The following UNCX variants were observed in gnomAD, a reference collection of about 807,000 sequenced individuals.
The protein encoded by UNCX is homeobox protein unc-4 homolog.
UNCX carries 4 observed loss-of-function variants against 14.8 expected under a neutral mutation model. The ratio of observed to expected loss-of-function variants is 0.27; its 90% CI spans 0.13 to 0.62. The LOEUF is 0.62. Among genes scored for constraint, UNCX ranks in the 20% least tolerant of loss-of-function variants. The probability of loss-of-function intolerance (pLI) is 0.86; values close to 1 mark genes in which losing one functional copy is unlikely to be tolerated. For missense variants in UNCX, 749 were observed against 786.8 expected (o/e 0.95, Z 0.58); for synonymous variants, 459 against 395.8 (o/e 1.16, Z -1.90).
In UNCX at chr7:1,233,421, C is replaced by CCCA. The variant is rs1778682803; in HGVS notation, c.275-97_275-96insACC. ...CCTAGGCGGCCGTCTCTGCGCCCCC[C>CCCA]CCCCCGGATCCAGGCGGCCAGCGGG... is the stretch of plus-strand genomic sequence containing the variant. On this transcript the variant is annotated intron_variant, in intron 1 of 2. Coordinates refer to ENST00000316333, the MANE Select transcript of UNCX (RefSeq NM_001080461.3). This position sits in a 1 kb window ranked among gnomAD's most constrained non-coding sequence, Gnocchi z 5.3. 4.4e-6 allele frequency: 6 copies of CCCA among 1,376,074 alleles called. No homozygotes were observed. Among genetic ancestry groups the CCCA allele is most frequent in the Admixed American group, 3.3e-5 (1 of 30,514 alleles). The allele number at this position is 1,376,074 out of a possible 1,614,324, so 85.2% of individuals were successfully genotyped here.
In UNCX at chr7:1,236,125, G is replaced by A; in HGVS notation, c.744G>A (p.Glu248=). 2.3e-6 allele frequency: 3 copies of A among 1,289,144 alleles called. No homozygotes were observed. Among genetic ancestry groups the A allele is most frequent in the South Asian group, 2.4e-5 (1 of 40,924 alleles). The allele number at this position is 1,289,144 out of a possible 1,614,324, so 79.9% of individuals were successfully genotyped here. A position where few individuals can be genotyped will look rare whatever the true frequency, so the allele number is the denominator to read the frequency against. Residue 248 remains glutamate (E), a synonymous_variant, in exon 3 of 3, where the codon GAG becomes GAA. Coordinates refer to ENST00000316333, the MANE Select transcript of UNCX (RefSeq NM_001080461.3). The surrounding 1 kb of genome is among the most constrained non-coding windows in gnomAD (Gnocchi z 6.9). ...GCGGCCTGTCTCCGGAGCCGCCCGA[G>A]CCGCCGCCGCCCGCCGCCAAGGGCC... ...GGGGLSPEPP[E]PPPPAAKGPG... is the part of the protein sequence containing the mutation.
intron 2 of UNCX, among the ~76,000 whole-genome samples, chr7:1,234,662 G>A (rs911625294): frequency 1.4e-5 from 2 of 143,046 alleles, no homozygotes; most frequent in Non-Finnish European, 3.0e-5. Context: ...TTTGTTCTAA[G>A]TGTCTTAAGT....
Position 1,234,462 on chromosome 7 carries a change from T to C in UNCX, c.450+767T>C, listed in dbSNP as rs909424422. On this transcript the variant is annotated intron_variant, in intron 2 of 2. Coordinates refer to ENST00000316333, the MANE Select transcript of UNCX (RefSeq NM_001080461.3). ...ATGTTTCCCTGGAGCAAAGAAATCCTCTTTTTCTGCGGTGGGTGCGGTGTG... is the reference window on the plus strand; with the variant it reads ...ATGTTTCCCTGGAGCAAAGAAATCCCCTTTTTCTGCGGTGGGTGCGGTGTG... Among the ~76,000 whole-genome samples, 5 of 152,010 alleles carry C rather than the reference T, an allele frequency of 3.3e-5. No homozygotes were observed. The East Asian group carries it at 9.7e-4, about 29-fold the overall frequency.
In UNCX at chr7:1,233,337, G is replaced by A. The variant is rs1326208486; in HGVS notation, c.274+46G>A. The A allele has an allele frequency of 2.3e-6, 3 of 1,321,494 alleles. No homozygotes were observed. Among genetic ancestry groups the A allele is most frequent in the South Asian group, 2.1e-5 (1 of 47,820 alleles). The allele number at this position is 1,321,494 out of a possible 1,614,324, so 81.9% of individuals were successfully genotyped here. A position where few individuals can be genotyped will look rare whatever the true frequency, so the allele number is the denominator to read the frequency against. On this transcript the variant is annotated intron_variant, in intron 1 of 2. Transcript: ENST00000316333. The surrounding 1 kb of genome is among the most constrained non-coding windows in gnomAD (Gnocchi z 5.3). ...GGCGGGGAGGAGTGCGGCTGGGGGC[G>A]GGGGCCCTGGTCCGGCCGAGGCGCT... is the stretch of plus-strand genomic sequence containing the variant.
At position 1,236,358 on chromosome 7, in the gene UNCX, T is replaced by C; in HGVS notation, c.977T>C (p.Leu326Pro). 1.5e-6 allele frequency: 2 copies of C among 1,321,982 alleles called. No individual in the cohort carries two copies. The highest frequency in any genetic ancestry group is 3.6e-5 in the Admixed American group (1 of 28,032). The allele number at this position is 1,321,982 out of a possible 1,614,324, so 81.9% of individuals were successfully genotyped here. The change falls in exon 3 of 3, where the codon CTG becomes CCG. Residue 326 changes from leucine to proline, a missense_variant. Leu to Pro is a moderately conservative substitution (Grantham distance 98). Coordinates refer to ENST00000316333, the MANE Select transcript of UNCX (RefSeq NM_001080461.3). This position sits in a 1 kb window ranked among gnomAD's most constrained non-coding sequence, Gnocchi z 6.9. ...GCGGTGGAGCGCGGCGCCGCGGGGC[T>C]GCCCAAGGCCAGCCCATTCAGCGTG... ...VAAVERGAAGLPKASPFSVES... is the reference protein window; with the variant it reads ...VAAVERGAAGPPKASPFSVES...
Position 1,236,384 on chromosome 7 carries a change from G to C in UNCX, c.1003G>C (p.Glu335Gln). The change falls in exon 3 of 3, where the codon GAG (glutamate) becomes CAG (glutamine). Residue 335 changes from glutamate (E) to glutamine (Q), a missense_variant. Around this residue, in one of 3 missense-constraint regions of UNCX, gnomAD observed 552 missense variants for 507.2 expected, o/e 1.09. Coordinates refer to ENST00000316333, the MANE Select transcript of UNCX (RefSeq NM_001080461.3). The surrounding 1 kb of genome is among the most constrained non-coding windows in gnomAD (Gnocchi z 6.9). ...GCCCAAGGCCAGCCCATTCAGCGTG[G>C]AGAGCCTCCTGTCCGACTCGCCGCC... ...GLPKASPFSV[E>Q]SLLSDSPPRR... 7.3e-7 allele frequency: 1 copy of C among 1,370,432 alleles called. No individual in the cohort carries two copies. The highest frequency in any genetic ancestry group is 1.6e-5 in the African/African-American group (1 of 64,514). The allele number at this position is 1,370,432 out of a possible 1,614,324, so 84.9% of individuals were successfully genotyped here.
rs1200327566 is a variant in UNCX at position 1,233,413 on chromosome 7, G to GC, written c.275-106dup. On this transcript the variant is annotated intron_variant, in intron 1 of 2. Transcript: ENST00000316333. The surrounding 1 kb of genome is among the most constrained non-coding windows in gnomAD (Gnocchi z 5.3). ...AGCCGGCTCCTAGGCGGCCGTCTCTGCGCCCCCCCCCCCGGATCCAGGCGG... is the reference window on the plus strand; with the variant it reads ...AGCCGGCTCCTAGGCGGCCGTCTCTGCCGCCCCCCCCCCCGGATCCAGGCGG... 11,066 of 1,082,386 alleles carry GC rather than the reference G, an allele frequency of 0.01. 40 individuals are homozygous for GC. Among genetic ancestry groups the GC allele is most frequent in the Non-Finnish European group, 0.012 (10,354 of 856,484 alleles). The allele number at this position is 1,082,386 out of a possible 1,614,324, so 67.0% of individuals were successfully genotyped here.
In UNCX at chr7:1,233,083, G is replaced by A. The variant is rs771086681; in HGVS notation, c.66G>A (p.Val22=). The A allele has an allele frequency of 6.2e-6, 9 of 1,443,566 alleles. No individual in the cohort carries two copies. The highest frequency in any genetic ancestry group is 9.1e-7 in the Non-Finnish European group (1 of 1,098,746). 89.4% of individuals were successfully genotyped at this position (1,443,566 alleles called of 1,614,324 possible). The change falls in exon 1 of 3, where the codon GTG becomes GTA. Residue 22 remains valine, a synonymous_variant. Coordinates refer to ENST00000316333, the MANE Select transcript of UNCX (RefSeq NM_001080461.3). This position sits in a 1 kb window ranked among gnomAD's most constrained non-coding sequence, Gnocchi z 5.3. ...TCGGGGGCTCGCTGGGCGGCGTGGT[G>A]GGCTTCCCCTACCCGCTGGGCCACC... ...AQFGGSLGGV[V]GFPYPLGHHH...
Position 1,233,415 on chromosome 7 carries a change from G to GCC in UNCX, c.275-95_275-94dup, listed in dbSNP as rs373820130. Reference sequence around the variant, plus strand: ...CCGGCTCCTAGGCGGCCGTCTCTGCGCCCCCCCCCCCGGATCCAGGCGGCC... The same window carrying GCC: ...CCGGCTCCTAGGCGGCCGTCTCTGCGCCCCCCCCCCCCCGGATCCAGGCGGCC... On this transcript the variant is annotated intron_variant, in intron 1 of 2. Transcript: ENST00000316333. This position sits in a 1 kb window ranked among gnomAD's most constrained non-coding sequence, Gnocchi z 5.3. The GCC allele has an allele frequency of 0.14, 159,184 of 1,121,600 alleles. 2,584 individuals carry two copies. Among genetic ancestry groups the GCC allele is most frequent in the Middle Eastern group, 0.17 (519 of 3,054 alleles). The allele number at this position is 1,121,600 out of a possible 1,614,324, so 69.5% of individuals were successfully genotyped here.
In UNCX at chr7:1,233,046, C is replaced by A. The variant is rs1379722901; in HGVS notation, c.29C>A (p.Pro10Gln). MMDGRLLEH[P>Q]HAQFGGSLGG... ...ATGGACGGCCGCCTCCTGGAACACC[C>A]GCATGCCCAGTTCGGGGGCTCGCTG... The change falls in exon 1 of 3, where the codon CCG becomes CAG. Residue 10 changes from proline to glutamine, a missense_variant. Physicochemically the swap from Pro to Gln is moderately conservative, Grantham distance 76. Transcript: ENST00000316333. This position sits in a 1 kb window ranked among gnomAD's most constrained non-coding sequence, Gnocchi z 5.3. 2.9e-6 allele frequency: 4 copies of A among 1,394,466 alleles called. No homozygotes were observed. The highest frequency in any genetic ancestry group is 2.8e-5 in the Admixed American group (1 of 35,708). 86.4% of individuals were successfully genotyped at this position (1,394,466 alleles called of 1,614,324 possible). A position where few individuals can be genotyped will look rare whatever the true frequency, so the allele number is the denominator to read the frequency against.
intron 2 of UNCX, among the ~76,000 whole-genome samples, chr7:1,234,040 C>G (rs1356449465): frequency 6.6e-6 from 1 of 152,010 alleles, no homozygotes; most frequent in Non-Finnish European, 1.5e-5. Flanking sequence ...GAGGAGGGGC[C>G]GGCTTGGCTC....
chr7:1,233,474 C>A lies in UNCX; in HGVS notation c.275-46C>A, dbSNP rs935630654. On this transcript the variant is annotated intron_variant, in intron 1 of 2. Transcript: ENST00000316333. This position sits in a 1 kb window ranked among gnomAD's most constrained non-coding sequence, Gnocchi z 5.3. The stretch of plus-strand genomic sequence containing the variant: ...GCGGGAGGGAGGGGTGGGGGTCGGG[C>A]CTGGGCCGGTGGCTGAGCCGCGCTG... The A allele has an allele frequency of 6.5e-7, 1 of 1,532,770 alleles. No homozygotes were observed. The highest frequency in any genetic ancestry group is 1.4e-5 in the African/African-American group (1 of 70,432). The allele number at this position is 1,532,770 out of a possible 1,614,324, so 94.9% of individuals were successfully genotyped here.
chr7:1,236,978 G>A lies in UNCX; in HGVS notation c.*1G>A. On this transcript the variant is annotated 3_prime_UTR_variant, in exon 3 of 3. Coordinates refer to ENST00000316333, the MANE Select transcript of UNCX (RefSeq NM_001080461.3). The surrounding 1 kb of genome is among the most constrained non-coding windows in gnomAD (Gnocchi z 6.9). ...GGGCGAGGAGCTGGACATGGACTGA[G>A]GCCGCGGCGGCCGGGAGAGGCGCGT... is the stretch of plus-strand genomic sequence containing the variant. 8.4e-7 allele frequency: 1 copy of A among 1,190,032 alleles called. No homozygotes were observed. Among genetic ancestry groups the A allele is most frequent in the Non-Finnish European group, 1.0e-6 (1 of 960,542 alleles). The allele number at this position is 1,190,032 out of a possible 1,614,324, so 73.7% of individuals were successfully genotyped here. A position where few individuals can be genotyped will look rare whatever the true frequency, so the allele number is the denominator to read the frequency against.
In UNCX at chr7:1,236,586, T is replaced by A; in HGVS notation, c.1205T>A (p.Leu402Gln). Residue 402 changes from leucine (L) to glutamine (Q), a missense_variant, in exon 3 of 3, where the codon CTG becomes CAG. This residue lies in a region of UNCX where 552 missense variants were observed against 507.2 expected (regional missense o/e 1.09). Coordinates refer to ENST00000316333, the MANE Select transcript of UNCX (RefSeq NM_001080461.3). This position sits in a 1 kb window ranked among gnomAD's most constrained non-coding sequence, Gnocchi z 6.9. ...PQAALKGGAGLEPAPKDAPPA... is the reference protein window; with the variant it reads ...PQAALKGGAGQEPAPKDAPPA... ...GCCGCGCTCAAGGGCGGCGCGGGCC[T>A]GGAGCCGGCGCCCAAGGACGCGCCG... is the stretch of plus-strand genomic sequence containing the variant. 1 of 1,203,110 alleles carries A rather than the reference T, an allele frequency of 8.3e-7. No homozygotes were observed. The highest frequency in any genetic ancestry group is 1.0e-6 in the Non-Finnish European group (1 of 967,172). The allele number at this position is 1,203,110 out of a possible 1,614,324, so 74.5% of individuals were successfully genotyped here. A position where few individuals can be genotyped will look rare whatever the true frequency, so the allele number is the denominator to read the frequency against.
In UNCX at chr7:1,233,427, G is replaced by A; in HGVS notation, c.275-93G>A. 2 of 831,296 alleles carry A rather than the reference G, an allele frequency of 2.4e-6. No individual in the cohort carries two copies. Among genetic ancestry groups the A allele is most frequent in the Non-Finnish European group, 3.1e-6 (2 of 654,792 alleles). 51.5% of individuals were successfully genotyped at this position (831,296 alleles called of 1,614,324 possible). A position where few individuals can be genotyped will look rare whatever the true frequency, so the allele number is the denominator to read the frequency against. ...CGGCCGTCTCTGCGCCCCCCCCCCC[G>A]GATCCAGGCGGCCAGCGGGTAGCGG... On this transcript the variant is annotated intron_variant, in intron 1 of 2. Transcript: ENST00000316333. This position sits in a 1 kb window ranked among gnomAD's most constrained non-coding sequence, Gnocchi z 5.3.
In UNCX at chr7:1,236,187, C is replaced by T; in HGVS notation, c.806C>T (p.Pro269Leu). The T allele has an allele frequency of 7.8e-7, 1 of 1,284,706 alleles. No individual in the cohort carries two copies. The highest frequency in any genetic ancestry group is 1.0e-6 in the Non-Finnish European group (1 of 1,004,222). The allele number at this position is 1,284,706 out of a possible 1,614,324, so 79.6% of individuals were successfully genotyped here. The change falls in exon 3 of 3, where the codon CCC becomes CTC. Residue 269 changes from proline (P) to leucine (L), a missense_variant. Pro to Leu is a moderately conservative substitution (Grantham distance 98). Coordinates refer to ENST00000316333, the MANE Select transcript of UNCX (RefSeq NM_001080461.3). This position sits in a 1 kb window ranked among gnomAD's most constrained non-coding sequence, Gnocchi z 6.9. ...GCCTCGGGCGCCGCGGGGACCGCGCCCGCCCCTCCCGGCGAGCCGCCTGCA... is the reference window on the plus strand; with the variant it reads ...GCCTCGGGCGCCGCGGGGACCGCGCTCGCCCCTCCCGGCGAGCCGCCTGCA... ...AHASGAAGTA[P>L]APPGEPPAPG...
In UNCX at chr7:1,235,971, TGGA is replaced by T; in HGVS notation, c.592_594del (p.Glu198del). On this transcript the variant is annotated inframe_deletion, in exon 3 of 3. Coordinates refer to ENST00000316333, the MANE Select transcript of UNCX (RefSeq NM_001080461.3). Reference sequence around the variant, plus strand: ...CCGGAGGAGATCGCGCGCAAGGAGCTGGAGAAGATGGAGAAGAAGAAGCGCAAG... The same window carrying T: ...CCGGAGGAGATCGCGCGCAAGGAGCTGAAGATGGAGAAGAAGAAGCGCAAG... 1 of 1,610,476 alleles carries T rather than the reference TGGA, an allele frequency of 6.2e-7. No homozygotes were observed. The highest frequency in any genetic ancestry group is 1.3e-5 in the African/African-American group (1 of 74,866).
At position 1,236,947 on chromosome 7, in the gene UNCX, G is replaced by A; in HGVS notation, c.1566G>A (p.Pro522=). The A allele has an allele frequency of 8.4e-7, 1 of 1,195,986 alleles. No homozygotes were observed. Among genetic ancestry groups the A allele is most frequent in the South Asian group, 3.8e-5 (1 of 26,538 alleles). 74.1% of individuals were successfully genotyped at this position (1,195,986 alleles called of 1,614,324 possible). The part of the protein sequence containing the change: ...PEPGAAAGPS[P]PEGEELDMD ...CTGGCGCGGCGGCCGGACCCAGCCC[G>A]CCGGAGGGCGAGGAGCTGGACATGG... The change falls in exon 3 of 3, where the codon CCG becomes CCA. Residue 522 remains proline (P), a synonymous_variant. Transcript: ENST00000316333. This position sits in a 1 kb window ranked among gnomAD's most constrained non-coding sequence, Gnocchi z 6.9.
chr7:1,236,303 G>A lies in UNCX; in HGVS notation c.922G>A (p.Ala308Thr). Reference sequence around the variant, plus strand: ...AGGTCGCCCTGCGGACAAGGACGCGGCCTCGTGCGGGCCAGGGGCCGCTGT... The same window carrying A: ...AGGTCGCCCTGCGGACAAGGACGCGACCTCGTGCGGGCCAGGGGCCGCTGT... ...RPGRPADKDAASCGPGAAVAA... is the reference protein window; with the variant it reads ...RPGRPADKDATSCGPGAAVAA... Residue 308 changes from alanine to threonine, a missense_variant, in exon 3 of 3, where the codon GCC becomes ACC. Ala to Thr is a moderately conservative substitution (Grantham distance 58). This residue lies in a region of UNCX where 552 missense variants were observed against 507.2 expected (regional missense o/e 1.09). Coordinates refer to ENST00000316333, the MANE Select transcript of UNCX (RefSeq NM_001080461.3). The surrounding 1 kb of genome is among the most constrained non-coding windows in gnomAD (Gnocchi z 6.9). 1 of 1,352,610 alleles carries A rather than the reference G, an allele frequency of 7.4e-7. No individual in the cohort carries two copies. The highest frequency in any genetic ancestry group is 1.5e-5 in the South Asian group (1 of 66,356). 83.8% of individuals were successfully genotyped at this position (1,352,610 alleles called of 1,614,324 possible).
Sources: allele counts gnomAD v4.1 joint callset (sites outside exome capture counted in the v4.1 genomes callset), GRCh38; gene constraint gnomAD v4.1.1; regional missense constraint gnomAD v4.1.1; non-coding constraint Gnocchi (gnomAD v3.1); transcripts MANE v1.5; gene names NCBI Gene and HGNC (gene_info 2026-07-23, HGNC 2026-07-21).